The following AGAP1 variants were observed in gnomAD, a reference collection of about 807,000 sequenced individuals.
AGAP1 encodes the protein arf-GAP with GTPase, ANK repeat and PH domain-containing protein 1.
AGAP1 carries 29 observed loss-of-function variants against 105.3 expected under a neutral mutation model. That is an observed-to-expected ratio of 0.28 (90% confidence interval 0.21 to 0.38). The LOEUF (loss-of-function observed/expected upper bound fraction) is 0.38, where lower values mean the gene tolerates loss of function less well. Among genes scored for constraint, AGAP1 ranks in the 10% least tolerant of loss-of-function variants. AGAP1 has a pLI of 1.00. For missense variants in AGAP1, 998 were observed against 1,165.1 expected (o/e 0.86, Z 2.09); for synonymous variants, 509 against 485.9 (o/e 1.05, Z -0.63).
At position 236,027,138 on chromosome 2, in the gene AGAP1, A is replaced by G. The variant is rs2057079694; in HGVS notation, c.1646-9423A>G. The stretch of plus-strand genomic sequence containing the variant: ...TAACATGACTATGCAGTTGCTCTAT[A>G]ATCCTTGTACTTATTTTTTTTAATC... On this transcript the variant is annotated intron_variant, in intron 13 of 17. Transcript: ENST00000304032. This position sits in a 1 kb window ranked among gnomAD's most constrained non-coding sequence, Gnocchi z 4.4. Among the ~76,000 whole-genome samples the G allele has an allele frequency of 6.6e-6, 1 of 152,178 alleles. No individual in the cohort carries two copies. The highest frequency in any genetic ancestry group is 6.5e-5 in the Admixed American group (1 of 15,282).
intron 1 of AGAP1, among the ~76,000 whole-genome samples, chr2:235,592,126 T>A (rs1945363767): frequency 6.6e-6 from 1 of 152,236 alleles, no homozygotes; most frequent in Admixed American, 6.5e-5. Flanking sequence ...CAGGCTTGCC[T>A]GGACAGCGCC....
chr2:235,995,259 A>G (rs918844857), intron 13 of AGAP1, among the ~76,000 whole-genome samples: 3 of 151,988 alleles, frequency 2.0e-5, no homozygotes, highest in Non-Finnish European at 4.4e-5. Flanking sequence ...TCATGCCTGT[A>G]ATCCCAACAC....
chr2:235,955,198 C>T (rs896713853), intron 12 of AGAP1, among the ~76,000 whole-genome samples: 3 of 152,144 alleles, frequency 2.0e-5, no homozygotes, highest in African/African-American at 4.8e-5. Context: ...CGAGTCTGTG[C>T]GGTTCCAGTT....
intron 1 of AGAP1, among the ~76,000 whole-genome samples, chr2:235,646,917 C>T (rs775061498): frequency 6.6e-6 from 1 of 152,084 alleles, no homozygotes; most frequent in Non-Finnish European, 1.5e-5. Context: ...GGGTGGATCA[C>T]GAGGTCAGGA....
chr2:235,864,508 C>T lies in AGAP1; in HGVS notation c.1051-18837C>T, dbSNP rs550188834. Among the ~76,000 whole-genome samples the T allele has an allele frequency of 5.9e-5, 9 of 152,264 alleles. No homozygotes were observed. The South Asian group carries it at 1.2e-3, about 21-fold the overall frequency. On this transcript the variant is annotated intron_variant, in intron 9 of 17. Transcript: ENST00000304032. This position sits in a 1 kb window ranked among gnomAD's most constrained non-coding sequence, Gnocchi z 5.0. ...CGGCCGGAAGGTGGTTGAGCGTTTC[C>T]GCTCCACTGCGCGGCCCCGGAGCCC...
At chr2:235,870,587 T>C (rs1221199036) in intron 9 of AGAP1, among the ~76,000 whole-genome samples, 1 of 151,596 alleles carries the variant, frequency 6.6e-6, no homozygotes, top group African/African-American at 2.4e-5. Context: ...GGTTGCACCA[T>C]TGCACTCCAG....
chr2:235,584,501 C>T (rs962453621), intron 1 of AGAP1, among the ~76,000 whole-genome samples: 2 of 147,840 alleles, frequency 1.4e-5, no homozygotes, highest in Non-Finnish European at 3.0e-5. Flanking sequence ...ATCCAGTGAT[C>T]GGTGTTCATC....
At chr2:236,019,252 G>C (rs565078670) in intron 13 of AGAP1, among the ~76,000 whole-genome samples, 1 of 152,322 alleles carries the variant, frequency 6.6e-6, no homozygotes, top group African/African-American at 2.4e-5. Flanking sequence ...TGCGCTGGGT[G>C]CTGGGGCAAT....
rs114426892 is a variant in AGAP1, at chr2:235,736,951, G to C, written c.311-4012G>C. On this transcript the variant is annotated intron_variant, in intron 3 of 17. Coordinates refer to ENST00000304032, the MANE Select transcript of AGAP1 (RefSeq NM_001037131.3). The surrounding 1 kb of genome is among the most constrained non-coding windows in gnomAD (Gnocchi z 5.5). ...AATGGTGCAAGTGGTGGTGCCTGCA[G>C]AGTACCAGCTTGTTGCCAACGATGC... Among the ~76,000 whole-genome samples, 1,379 of 152,360 alleles carry C rather than the reference G, an allele frequency of 9.1e-3. 17 individuals carry two copies. Among genetic ancestry groups the C allele is most frequent in the South Asian group, 0.031 (148 of 4,832 alleles).
Position 236,089,167 on chromosome 2 carries a change from T to C in AGAP1, c.2115-31025T>C, listed in dbSNP as rs2059000453. Among the ~76,000 whole-genome samples the C allele has an allele frequency of 1.3e-5, 2 of 152,228 alleles. No homozygotes were observed. Among genetic ancestry groups the C allele is most frequent in the Non-Finnish European group, 2.9e-5 (2 of 68,042 alleles). On this transcript the variant is annotated intron_variant, in intron 16 of 17. Transcript: ENST00000304032. The surrounding 1 kb of genome is among the most constrained non-coding windows in gnomAD (Gnocchi z 5.6). ...GGTGGCAGCGTCCAAGTCCAGTTTG[T>C]ACATTTCTGCATGGATGAGGTCTTT...
At chr2:235,885,422 CCT>C (rs2050229916) in intron 10 of AGAP1, among the ~76,000 whole-genome samples, 1 of 152,206 alleles carries the variant, frequency 6.6e-6, no homozygotes. Context: ...AATCAACGTT[CCT>C]CTGTTTATCT....
chr2:235,907,532 A>G (rs995158918), intron 10 of AGAP1, among the ~76,000 whole-genome samples: 5 of 152,232 alleles, frequency 3.3e-5, no homozygotes, highest in African/African-American at 1.2e-4. Flanking sequence ...TCTAAAGGGA[A>G]TTCACCAAGA....
Position 235,764,457 on chromosome 2 carries a change from T to G in AGAP1, c.673+13969T>G, listed in dbSNP as rs555126411. On this transcript the variant is annotated intron_variant, in intron 6 of 17. Coordinates refer to ENST00000304032, the MANE Select transcript of AGAP1 (RefSeq NM_001037131.3). ...CGTAGATCCATGTTTCCCAGGCACC[T>G]AAAGCACATCCCCCCCACTTTGGTG... Among the ~76,000 whole-genome samples the G allele has an allele frequency of 4.6e-5, 7 of 152,298 alleles. No individual in the cohort carries two copies. In the East Asian group the frequency reaches 1.4e-3, roughly 30 times the overall value.
intron 13 of AGAP1, among the ~76,000 whole-genome samples, chr2:236,006,591 A>G (rs1454399408): frequency 3.9e-5 from 6 of 152,234 alleles, no homozygotes; most frequent in African/African-American, 1.2e-4. Flanking sequence ...GGCTACAACT[A>G]TGTTAATACT....
At chr2:235,644,777 T>G (rs1947317504) in intron 1 of AGAP1, among the ~76,000 whole-genome samples, 1 of 152,208 alleles carries the variant, frequency 6.6e-6, no homozygotes, top group South Asian at 2.1e-4. Context: ...TGGGAACCCC[T>G]GTTACTGATG....
At chr2:235,681,897 C>T (rs561284965) in intron 1 of AGAP1, among the ~76,000 whole-genome samples, 2 of 127,968 alleles carry the variant, frequency 1.6e-5, no homozygotes, top group African/African-American at 5.9e-5. Context: ...GTCACGCAGG[C>T]TGGAGTGCAG....
Position 235,826,607 on chromosome 2 carries a change from A to T in AGAP1, c.1050+19276A>T, listed in dbSNP as rs868609373. ...TGGGATTACAGGCGCCCGCCACCAC[A>T]CCCAGCTAATTTTTGTATTTTTAGT... is the stretch of plus-strand genomic sequence containing the variant. On this transcript the variant is annotated intron_variant, in intron 9 of 17. Coordinates refer to ENST00000304032, the MANE Select transcript of AGAP1 (RefSeq NM_001037131.3). Among the ~76,000 whole-genome samples the T allele has an allele frequency of 5.3e-5, 8 of 151,528 alleles. No individual in the cohort carries two copies. The East Asian group carries it at 1.4e-3, about 26-fold the overall frequency.
At chr2:235,916,050 A>G (rs2051864547) in intron 11 of AGAP1, among the ~76,000 whole-genome samples, 1 of 152,236 alleles carries the variant, frequency 6.6e-6, no homozygotes, top group South Asian at 2.1e-4. Context: ...AAGCCTATGC[A>G]AAGACGACTA....
intron 9 of AGAP1, among the ~76,000 whole-genome samples, chr2:235,821,342 A>G (rs1672752838): frequency 1.3e-5 from 2 of 152,020 alleles, no homozygotes. Flanking sequence ...ATAGGAACGC[A>G]GTAACAAGTG....
Sources: allele counts gnomAD v4.1 joint callset (sites outside exome capture counted in the v4.1 genomes callset), GRCh38; gene constraint gnomAD v4.1.1; non-coding constraint Gnocchi (gnomAD v3.1); transcripts MANE v1.5; gene names NCBI Gene and HGNC (gene_info 2026-07-23, HGNC 2026-07-21).